The following CD53 variants were observed in gnomAD, a reference collection of about 807,000 sequenced individuals.
The protein encoded by CD53 is leukocyte surface antigen CD53.
In CD53, 20 loss-of-function variants were observed where a neutral mutation model predicts 27.3. That is an observed-to-expected ratio of 0.73 (90% CI 0.52 to 1.07). The LOEUF is 1.07. Among genes scored for constraint, CD53 ranks in the 50% least tolerant of loss-of-function variants. CD53 has a pLI of 0.00. For synonymous variants in CD53, 106 were observed against 105.3 expected, an observed-to-expected ratio of 1.01 and a Z score of -0.04; for missense variants, 216 against 264.0, an observed-to-expected ratio of 0.82 and a Z score of 1.26.
chr1:110,881,010 GA>G (rs1359725993), intron 1 of CD53, among the ~76,000 whole-genome samples: 1 of 152,196 alleles, frequency 6.6e-6, no homozygotes, highest in Non-Finnish European at 1.5e-5. Flanking sequence ...AGTAAGGAAG[GA>G]AGCATTAAGA....
chr1:110,885,524 C>A (rs1030892407), intron 1 of CD53, among the ~76,000 whole-genome samples: 1 of 151,354 alleles, frequency 6.6e-6, no homozygotes, highest in African/African-American at 2.4e-5. Flanking sequence ...GGCGACAGAG[C>A]GAGACTCTGT....
chr1:110,888,327 G>A (rs1226551059), intron 1 of CD53, among the ~76,000 whole-genome samples: 1 of 152,156 alleles, frequency 6.6e-6, no homozygotes, highest in African/African-American at 2.4e-5. Flanking sequence ...TTTGTACATT[G>A]CGGTGTCCTG....
chr1:110,879,734 TA>T (rs1292005638), intron 1 of CD53, among the ~76,000 whole-genome samples: 4 of 152,040 alleles, frequency 2.6e-5, no homozygotes, highest in African/African-American at 4.8e-5. Flanking sequence ...TTTTTTAACT[TA>T]AAAAAATTTT....
At chr1:110,876,330 T>A (rs1303522030) in intron 1 of CD53, among the ~76,000 whole-genome samples, 1 of 152,228 alleles carries the variant, frequency 6.6e-6, no homozygotes, top group African/African-American at 2.4e-5. Flanking sequence ...TTTTATTAAG[T>A]AAGCATCATT....
intron 5 of CD53, 38 bp downstream of exon 5, chr1:110,895,093 C>A: frequency 1.4e-6 from 2 of 1,465,332 alleles, no homozygotes; most frequent in Non-Finnish European, 1.9e-6. Flanking sequence ...TCAGCCCAGA[C>A]TTCATTTTCA....
upstream of CD53, among the ~76,000 whole-genome samples, chr1:110,871,809 G>T (rs1426217244): frequency 2.1e-5 from 1 of 48,336 alleles, no homozygotes; most frequent in Non-Finnish European, 3.9e-5. Context: ...TTCCCCAAGA[G>T]AAACTACACA....
At chr1:110,895,871 C>T (rs1020285491) in intron 5 of CD53, among the ~76,000 whole-genome samples, 1 of 152,086 alleles carries the variant, frequency 6.6e-6, no homozygotes, top group African/African-American at 2.4e-5. Flanking sequence ...AAAGCAAATA[C>T]TAGACAATAT....
At chr1:110,886,846 A>AAGATATATATATATATATATATATATAT (rs141935496) in intron 1 of CD53, among the ~76,000 whole-genome samples, 1 of 101,002 alleles carries the variant, frequency 9.9e-6, no homozygotes, top group African/African-American at 3.2e-5. Context: ...CTCTGTCTCC[A>AAGATATATATATATATATATATATATAT]ATATATATAT....
Position 110,899,308 on chromosome 1 carries a change from C to T in CD53, c.*113C>T. The T allele has an allele frequency of 1.4e-6, 1 of 721,072 alleles. No homozygotes were observed. 44.7% of individuals were successfully genotyped at this position (721,072 alleles called of 1,614,324 possible). A position where few individuals can be genotyped will look rare whatever the true frequency, so the allele number is the denominator to read the frequency against. On this transcript the variant is annotated 3_prime_UTR_variant, in exon 8 of 8. Coordinates refer to ENST00000271324, the MANE Select transcript of CD53 (RefSeq NM_000560.4). ...GGATGATCCTCCTCCCATCCTTTCCCTTTTTAGGTCCCTGTCTTATACAAC... is the reference window on the plus strand; with the variant it reads ...GGATGATCCTCCTCCCATCCTTTCCTTTTTTAGGTCCCTGTCTTATACAAC...
intron 1 of CD53, among the ~76,000 whole-genome samples, chr1:110,891,000 C>T (rs4839583): frequency 0.4 from 61,519 of 152,210 alleles, 14,500 homozygotes; most frequent in Admixed American, 0.54. Context: ...TGTTGGCTTT[C>T]TTGATGGCTG....
chr1:110,897,537 T>C (rs1190430012), intron 6 of CD53: 1 of 295,710 alleles, frequency 3.4e-6, no homozygotes, highest in Non-Finnish European at 6.3e-6. Context: ...GTTGCTGACC[T>C]GCCTCTTAGA....
chr1:110,894,944 G>T lies in CD53; in HGVS notation c.328-16G>T. ...GCTTTTTACCATGTCTCCTCTGCTG[G>T]AATGTGCCTGCCCAGCTGAATGAGT... On this transcript the variant is annotated splice_polypyrimidine_tract_variant and intron_variant, in intron 4 of 7. Coordinates refer to ENST00000271324, the MANE Select transcript of CD53 (RefSeq NM_000560.4). 1 of 1,604,236 alleles carries T rather than the reference G, an allele frequency of 6.2e-7. No homozygotes were observed. Among genetic ancestry groups the T allele is most frequent in the South Asian group, 1.1e-5 (1 of 90,794 alleles).
chr1:110,879,948 G>A (rs981491933), intron 1 of CD53, among the ~76,000 whole-genome samples: 2 of 152,054 alleles, frequency 1.3e-5, no homozygotes, highest in African/African-American at 2.4e-5. Context: ...ACATGGTGCT[G>A]TTAGTACAGG....
chr1:110,883,702 A>G (rs1218248396), intron 1 of CD53, among the ~76,000 whole-genome samples: 6 of 151,962 alleles, frequency 3.9e-5, no homozygotes. Flanking sequence ...AAGACTTTTA[A>G]ACTCCAAATT....
chr1:110,894,861 G>C (rs1656995477), intron 4 of CD53, 99 bp from the exon 5 acceptor site: 2 of 857,696 alleles, frequency 2.3e-6, no homozygotes, highest in East Asian at 2.5e-5. Flanking sequence ...ATTTGGAAGG[G>C]AAGCGCAAGT....
In CD53 at chr1:110,886,869, A is replaced by ATATATTTTT. The variant is rs1298376721; in HGVS notation, c.-17-4522_-17-4521insATATTTTTT. On this transcript the variant is annotated intron_variant, in intron 1 of 7. Transcript: ENST00000271324. ...CCAATATATATATATATATATATATATTTTTTTTTTCTGTCTGTGTTTCTT... is the reference window on the plus strand; with the variant it reads ...CCAATATATATATATATATATATATATATATTTTTTTTTTTTTTTCTGTCTGTGTTTCTT... Among the ~76,000 whole-genome samples the ATATATTTTT allele has an allele frequency of 9.2e-3, 758 of 82,698 alleles. 10 individuals are homozygous for ATATATTTTT. Among genetic ancestry groups the ATATATTTTT allele is most frequent in the East Asian group, 0.034 (101 of 2,980 alleles). The allele number at this position is 82,698 out of a possible 152,430, so 54.3% of individuals were successfully genotyped here.
chr1:110,891,290 C>T (rs890401678), intron 1 of CD53, 102 bp from the exon 2 acceptor site: 2 of 838,554 alleles, frequency 2.4e-6, no homozygotes, highest in Admixed American at 3.8e-5. Flanking sequence ...AGCCACAGCT[C>T]AAACCCAAGG....
In CD53 at chr1:110,894,639, C is replaced by T. The variant is rs143751115; in HGVS notation, c.327+238C>T. Among the ~76,000 whole-genome samples the T allele has an allele frequency of 7.0e-3, 1,059 of 152,292 alleles. 10 individuals are homozygous for T. The highest frequency in any genetic ancestry group is 0.024 in the African/African-American group (995 of 41,552). On this transcript the variant is annotated intron_variant, in intron 4 of 7. Transcript: ENST00000271324. Reference sequence around the variant, plus strand: ...AGTAAAACAAGTGTCTCTTCCTCTACTTGCTTTCCTCTGTGTGTTTGGCAG... The same window carrying T: ...AGTAAAACAAGTGTCTCTTCCTCTATTTGCTTTCCTCTGTGTGTTTGGCAG...
At position 110,875,110 on chromosome 1, in the gene CD53, A is replaced by G. The variant is rs569665197; in HGVS notation, c.-18+1862A>G. Among the ~76,000 whole-genome samples, 20 of 152,288 alleles carry G rather than the reference A, an allele frequency of 1.3e-4. No homozygotes were observed. The South Asian group carries it at 1.7e-3, about 13-fold the overall frequency. On this transcript the variant is annotated intron_variant, in intron 1 of 7. Coordinates refer to ENST00000271324, the MANE Select transcript of CD53 (RefSeq NM_000560.4). ...GCCTAGAGAGGTGACTGGTGGGTTC[A>G]CTTTCACAGAAGTATGGGTTTGCTA...
Sources: gnomAD v4.1 joint callset for allele counts (sites outside exome capture counted in the v4.1 genomes callset) on GRCh38, gnomAD v4.1.1 for gene constraint, MANE v1.5 for transcripts, NCBI Gene and HGNC (gene_info 2026-07-23, HGNC 2026-07-21) for gene names.